ERO1B: variants seen among roughly 807,000 people sequenced by gnomAD.
The protein encoded by ERO1B is ERO1-like protein beta.
In ERO1B, 49 loss-of-function variants were observed where a neutral mutation model predicts 75.3. The ratio of observed to expected loss-of-function variants is 0.65; its 90% CI spans 0.52 to 0.83. ERO1B has a LOEUF of 0.83. ERO1B is among the 40% of genes least tolerant of loss of function. The pLI, the probability that ERO1B is intolerant of heterozygous loss-of-function variation, is 0.00. For synonymous variants in ERO1B, 191 were observed against 192.9 expected (o/e 0.99, Z 0.08); for missense variants, 512 against 560.1 (o/e 0.91, Z 0.87).
intron 8 of ERO1B, among the ~76,000 whole-genome samples, chr1:236,235,216 G>T (rs1347604802): frequency 6.6e-6 from 1 of 152,164 alleles, no homozygotes; most frequent in African/African-American, 2.4e-5. Flanking sequence ...TTTTCCTACT[G>T]AAAGTGTGGT....
chr1:236,230,611 CAAAAA>C (rs397983348), intron 9 of ERO1B, among the ~76,000 whole-genome samples: 2,206 of 58,526 alleles, frequency 0.038, 40 homozygotes, highest in African/African-American at 0.12. Flanking sequence ...GACCCTGTCT[CAAAAA>C]AAAAAAAAAA....
rs757216464 is a variant in ERO1B, at chr1:236,281,720, C to T, written c.64G>A (p.Val22Ile). Residue 22 changes from valine (V) to isoleucine (I), a missense_variant, in exon 1 of 16, where the codon GTC (valine) becomes ATC (isoleucine). By Grantham distance (29) the Val-to-Ile change is conservative. Transcript: ENST00000354619. ...QGVAAAVQLL[V>I]TLSFLRSVVE... is the part of the protein sequence containing the mutation. ...ACGCTCCGCAGGAAGCTCAGGGTGA[C>T]CAGCAGCTGCACCGCGGCCGCTACC... 5.9e-6 allele frequency: 9 copies of T among 1,513,942 alleles called. No homozygotes were observed. In the South Asian group the frequency reaches 9.8e-5, roughly 17 times the overall value. The allele number at this position is 1,513,942 out of a possible 1,614,324, so 93.8% of individuals were successfully genotyped here.
At chr1:236,236,539 T>G (rs1340295055) in intron 6 of ERO1B, 141 bp from the exon 7 acceptor site, 1 of 816,322 alleles carries the variant, frequency 1.2e-6, no homozygotes, top group Non-Finnish European at 1.8e-6. Context: ...GGTATAGTGG[T>G]TAGTATACTT....
intron 6 of ERO1B, among the ~76,000 whole-genome samples, chr1:236,241,421 G>A (rs1467227722): frequency 1.3e-5 from 2 of 152,094 alleles, no homozygotes; most frequent in African/African-American, 4.8e-5. Context: ...GGTGGTGCAT[G>A]CCTGTAATCC....
chr1:236,276,297 C>T (rs1406565190), intron 1 of ERO1B, among the ~76,000 whole-genome samples: 1 of 152,188 alleles, frequency 6.6e-6, no homozygotes, highest in East Asian at 1.9e-4. Context: ...GAGACTAACA[C>T]TGAGAGTCCA....
In ERO1B at chr1:236,253,491, T is replaced by C. The variant is rs1466012086; in HGVS notation, c.237A>G (p.Arg79=). ...YFRYYKVNLK[R]PCPFWAEDGH... ...CATCTTCTGCCCAGAAAGGACAAGG[T>C]CGCTTCAGATTAACCTTGAAAGAAA... Residue 79 remains arginine (R), a synonymous_variant, in exon 3 of 16, where the codon CGA becomes CGG. Coordinates refer to ENST00000354619, the MANE Select transcript of ERO1B (RefSeq NM_019891.4). 4 of 1,607,422 alleles carry C rather than the reference T, an allele frequency of 2.5e-6. No individual in the cohort carries two copies. The highest frequency in any genetic ancestry group is 3.4e-6 in the Non-Finnish European group (4 of 1,175,796).
At chr1:236,268,540 C>A (rs1214408891) in intron 2 of ERO1B, among the ~76,000 whole-genome samples, 1 of 152,096 alleles carries the variant, frequency 6.6e-6, no homozygotes, top group Admixed American at 6.6e-5. Flanking sequence ...TCACTTGAAG[C>A]CAGGAATTTG....
intron 9 of ERO1B, among the ~76,000 whole-genome samples, chr1:236,231,409 AGTGTTTTCG>A (rs1314633589): frequency 6.6e-6 from 1 of 151,692 alleles, no homozygotes; most frequent in Non-Finnish European, 1.5e-5. Flanking sequence ...TGCGATTTTA[AGTGTTTTCG>A]CCAAAAAAAT....
chr1:236,280,112 C>T (rs563672183), intron 1 of ERO1B, among the ~76,000 whole-genome samples: 1 of 152,030 alleles, frequency 6.6e-6, no homozygotes, highest in African/African-American at 2.4e-5. Context: ...ACATAGTCCC[C>T]ATCTCTACAC....
intron 8 of ERO1B, among the ~76,000 whole-genome samples, chr1:236,235,220 G>C (rs1664511340): frequency 6.6e-6 from 1 of 152,196 alleles, no homozygotes; most frequent in African/African-American, 2.4e-5. Flanking sequence ...CCTACTGAAA[G>C]TGTGGTACAT....
chr1:236,279,740 G>A (rs1665788040), intron 1 of ERO1B, among the ~76,000 whole-genome samples: 1 of 150,876 alleles, frequency 6.6e-6, no homozygotes, highest in Non-Finnish European at 1.5e-5. Context: ...AGCTACTTGG[G>A]AAGCTGAGGC....
intron 13 of ERO1B, among the ~76,000 whole-genome samples, chr1:236,222,836 G>C (rs916426672): frequency 5.3e-5 from 8 of 152,158 alleles, no homozygotes; most frequent in Non-Finnish European, 8.8e-5. Context: ...TGACACATAT[G>C]GTCCCACAGT....
chr1:236,270,114 A>G, intron 1 of ERO1B, 120 bp from the exon 2 acceptor site: 1 of 710,602 alleles, frequency 1.4e-6, no homozygotes, highest in Non-Finnish European at 2.2e-6. Flanking sequence ...TGATTAAGAT[A>G]TAACATTAAA....
At chr1:236,223,417 G>C (rs981316080) in intron 13 of ERO1B, among the ~76,000 whole-genome samples, 1 of 152,116 alleles carries the variant, frequency 6.6e-6, no homozygotes, top group South Asian at 2.1e-4. Flanking sequence ...CATGAAGCGG[G>C]AGGCAAGTAG....
chr1:236,253,290 A>G, intron 3 of ERO1B, 132 bp downstream of exon 3: 1 of 610,364 alleles, frequency 1.6e-6, no homozygotes, highest in Non-Finnish European at 2.9e-6. Context: ...GTTCTAAAGG[A>G]GAGAGCTGAG....
intron 1 of ERO1B, among the ~76,000 whole-genome samples, chr1:236,277,006 G>A (rs1324330290): frequency 6.6e-6 from 1 of 152,156 alleles, no homozygotes; most frequent in Non-Finnish European, 1.5e-5. Context: ...CCGATTGTAA[G>A]TTTCCTGAGG....
At chr1:236,259,709 C>T (rs147218678) in intron 2 of ERO1B, among the ~76,000 whole-genome samples, 141 of 152,056 alleles carry the variant, frequency 9.3e-4, no homozygotes, top group African/African-American at 3.2e-3. Context: ...TATATATGCA[C>T]CCAACTTCTG....
chr1:236,220,749 T>TAC, intron 15 of ERO1B, 83 bp downstream of exon 15: 1 of 1,374,098 alleles, frequency 7.3e-7, no homozygotes, highest in African/African-American at 1.5e-5. Context: ...AAACAAACCC[T>TAC]ACTTTTAGCA....
intron 2 of ERO1B, among the ~76,000 whole-genome samples, chr1:236,264,917 C>T (rs973432776): frequency 1.3e-5 from 2 of 151,956 alleles, no homozygotes; most frequent in African/African-American, 4.8e-5. Context: ...ACTATCCGGG[C>T]GATGGTTCCA....
Sources: gnomAD v4.1 joint callset for allele counts (sites outside exome capture counted in the v4.1 genomes callset) on GRCh38, gnomAD v4.1.1 for gene constraint, MANE v1.5 for transcripts, NCBI Gene and HGNC (gene_info 2026-07-23, HGNC 2026-07-21) for gene names.